RPL18A: variants seen among roughly 807,000 people sequenced by gnomAD.
The protein encoded by RPL18A is large ribosomal subunit protein eL20.
For missense variants in RPL18A, 163 were observed against 254.1 expected, an observed-to-expected ratio of 0.64 and a Z score of 2.44; for synonymous variants, 122 against 96.9, an observed-to-expected ratio of 1.26 and a Z score of -1.52.
At chr19:17,862,535 C>T (rs2094279303) in intron 3 of RPL18A, 2 of 703,052 alleles carry the variant, frequency 2.8e-6, no homozygotes, top group South Asian at 1.4e-5. Flanking sequence ...TGGGAGCTGG[C>T]ACCTTTTCCC....
intron 4 of RPL18A, 70 bp downstream of exon 4, chr19:17,863,097 T>TAC (rs2094280640): frequency 6.5e-7 from 1 of 1,543,530 alleles, no homozygotes; most frequent in Non-Finnish European, 8.9e-7. Context: ...GGGGGGCGGC[T>TAC]ACACCTTGGT....
intron 1 of RPL18A, chr19:17,861,068 T>C: frequency 1.8e-6 from 1 of 551,956 alleles, no homozygotes; most frequent in Non-Finnish European, 3.2e-6. Context: ...GGCAGGCAAC[T>C]CAATTAATCC....
chr19:17,859,943 G>A lies in RPL18A; in HGVS notation c.-14G>A, dbSNP rs751794724. The stretch of plus-strand genomic sequence containing the variant: ...CTTCCTTTTGCGGGTGGCGGCGAAC[G>A]CGGAGAGCACGCCATGAAGGCCTCG... On this transcript the variant is annotated 5_prime_UTR_variant, in exon 1 of 5. Transcript: ENST00000222247. 1.9e-6 allele frequency: 3 copies of A among 1,543,466 alleles called. No individual in the cohort carries two copies. The African/African-American group carries it at 4.2e-5, about 22-fold the overall frequency.
intron 3 of RPL18A, chr19:17,862,591 G>T: frequency 1.4e-6 from 1 of 702,970 alleles, no homozygotes; most frequent in Non-Finnish European, 2.6e-6. Context: ...CTCCCTGATT[G>T]CACCTAAACC....
At chr19:17,861,495 TG>T (rs748339776) in intron 2 of RPL18A, 23 bp downstream of exon 2, 1 of 1,554,704 alleles carries the variant, frequency 6.4e-7, no homozygotes, top group African/African-American at 1.4e-5. Flanking sequence ...CGGGGCTACG[TG>T]GGGTCTGGAG....
intron 4 of RPL18A, 36 bp from the exon 5 acceptor site, chr19:17,863,135 C>A (rs964741703): frequency 6.3e-7 from 1 of 1,577,566 alleles, no homozygotes; most frequent in Non-Finnish European, 8.7e-7. Context: ...TGTTAAGAGG[C>A]TTCCAACCCC....
At chr19:17,862,051 C>T (rs774114308) in intron 2 of RPL18A, 43 bp from the exon 3 acceptor site, 2 of 1,602,998 alleles carry the variant, frequency 1.2e-6, no homozygotes, top group East Asian at 2.2e-5. Context: ...TAGGGCACAT[C>T]GGCTTGCTGC....
chr19:17,861,616 G>C (rs961511699), intron 2 of RPL18A, 144 bp downstream of exon 2: 3 of 675,724 alleles, frequency 4.4e-6, no homozygotes, highest in Non-Finnish European at 7.4e-6. Flanking sequence ...AGAGCCCCGG[G>C]TTGTGTTTCT....
chr19:17,861,973 T>G (rs1278466245), intron 2 of RPL18A, 121 bp from the exon 3 acceptor site: 1 of 1,173,066 alleles, frequency 8.5e-7, no homozygotes, highest in Admixed American at 2.7e-5. Context: ...GGCACAAGAG[T>G]CTGGCCATAG....
intron 2 of RPL18A, 146 bp downstream of exon 2, chr19:17,861,618 T>C: frequency 4.5e-6 from 3 of 668,756 alleles, no homozygotes; most frequent in Non-Finnish European, 7.5e-6. Flanking sequence ...AGCCCCGGGT[T>C]GTGTTTCTGC....
chr19:17,861,594 A>G, intron 2 of RPL18A, 122 bp downstream of exon 2: 3 of 719,856 alleles, frequency 4.2e-6, no homozygotes. Context: ...TAATCCCATC[A>G]CATCAGACAT....
intron 1 of RPL18A, 113 bp from the exon 2 acceptor site, chr19:17,861,180 C>T (rs2094276599): frequency 2.1e-6 from 2 of 952,168 alleles, no homozygotes; most frequent in African/African-American, 3.2e-5. Flanking sequence ...CCTAGGGTGG[C>T]CCTGCCTCCT....
At position 17,860,244 on chromosome 19, in the gene RPL18A, A is replaced by G. The variant is rs1217753176; in HGVS notation, c.18+270A>G. The G allele has an allele frequency of 8.5e-6, 4 of 472,406 alleles. No individual in the cohort carries two copies. The South Asian group carries it at 1.4e-4, about 17-fold the overall frequency. 29.3% of individuals were successfully genotyped at this position (472,406 alleles called of 1,614,324 possible). A position where few individuals can be genotyped will look rare whatever the true frequency, so the allele number is the denominator to read the frequency against. Reference sequence around the variant, plus strand: ...GGGGAAGGAATAAGTCGCGCAGCATAGAGGCCCTAGCCCCGGCACCTCGTC... The same window carrying G: ...GGGGAAGGAATAAGTCGCGCAGCATGGAGGCCCTAGCCCCGGCACCTCGTC... On this transcript the variant is annotated intron_variant, in intron 1 of 4. Transcript: ENST00000222247.
At position 17,861,005 on chromosome 19, in the gene RPL18A, G is replaced by C; in HGVS notation, c.19-288G>C. The C allele has an allele frequency of 6.8e-6, 3 of 440,406 alleles. No individual in the cohort carries two copies. In the South Asian group the frequency reaches 9.9e-5, roughly 15 times the overall value. 27.3% of individuals were successfully genotyped at this position (440,406 alleles called of 1,614,324 possible). ...CTGCAGCATGAAGAAAGGAGGCTGT[G>C]GGTCTAAGCCACAGCTTTCCTGGTC... On this transcript the variant is annotated intron_variant, in intron 1 of 4. Transcript: ENST00000222247.
rs1201290803 is a variant in RPL18A at position 17,859,983 on chromosome 19, G to A, written c.18+9G>A. The A allele has an allele frequency of 2.0e-6, 3 of 1,519,932 alleles. No individual in the cohort carries two copies. The highest frequency in any genetic ancestry group is 2.9e-5 in the African/African-American group (2 of 69,824). 94.2% of individuals were successfully genotyped at this position (1,519,932 alleles called of 1,614,324 possible). ...TGAAGGCCTCGGGCACGGTAAGGCG[G>A]GCGCGGCGCGGCAGGGGGCCAAGGG... On this transcript the variant is annotated intron_variant, in intron 1 of 4. Coordinates refer to ENST00000222247, the MANE Select transcript of RPL18A (RefSeq NM_000980.4).
At chr19:17,862,725 T>C (rs570497708) in intron 3 of RPL18A, 193 bp from the exon 4 acceptor site, 1 of 762,928 alleles carries the variant, frequency 1.3e-6, no homozygotes, top group East Asian at 2.4e-5. Flanking sequence ...ACAACTCTAG[T>C]GGCCAGTGAC....
chr19:17,861,851 G>A (rs2094277972), intron 2 of RPL18A: 1 of 569,806 alleles, frequency 1.8e-6, no homozygotes, highest in Non-Finnish European at 3.1e-6. Context: ...CTGCATCTGG[G>A]GCTGGGTTGG....
At chr19:17,861,129 C>T (rs188371354) in intron 1 of RPL18A, 164 bp from the exon 2 acceptor site, 4 of 615,890 alleles carry the variant, frequency 6.5e-6, no homozygotes, top group Admixed American at 2.8e-5. Flanking sequence ...AAGTTGTGGT[C>T]GGGAGTGTGA....
In RPL18A at chr19:17,861,221, G is replaced by A. The variant is rs150707452; in HGVS notation, c.19-72G>A. ...CCGAATCTGTGGTCACTAGATGTAGGAAAGGGAGTGAGGTGGATCTCCACA... is the reference window on the plus strand; with the variant it reads ...CCGAATCTGTGGTCACTAGATGTAGAAAAGGGAGTGAGGTGGATCTCCACA... On this transcript the variant is annotated intron_variant, in intron 1 of 4. Transcript: ENST00000222247. 9.7e-4 allele frequency: 1,371 copies of A among 1,413,688 alleles called. 20 individuals carry two copies. The East Asian group carries it at 0.031, about 32-fold the overall frequency. 87.6% of individuals were successfully genotyped at this position (1,413,688 alleles called of 1,614,324 possible).
Sources: allele counts gnomAD v4.1 joint callset, GRCh38; gene constraint gnomAD v4.1.1; transcripts MANE v1.5; gene names NCBI Gene and HGNC (gene_info 2026-07-23, HGNC 2026-07-21).